The following CFAP54 variants were observed in gnomAD, a reference collection of about 807,000 sequenced individuals.
CFAP54 encodes the protein cilia and flagella associated protein 54, also known as cilia- and flagella-associated protein 54.
A neutral mutation model predicts 370.4 loss-of-function variants in CFAP54; 290 were observed. The ratio of observed to expected loss-of-function variants is 0.78; its 90% CI spans 0.71 to 0.86. The LOEUF is 0.86. Ranked by LOEUF, CFAP54 falls within the 40% of genes least tolerant of loss-of-function variation. The pLI is 0.00. For synonymous variants in CFAP54, 1,206 were observed against 1,236.5 expected (o/e 0.98, Z 0.52); for missense variants, 3,399 against 3,528.7 (o/e 0.96, Z 0.93).
intron 18 of CFAP54, 42 bp from the exon 19 acceptor site, chr12:96,564,602 G>A (rs1187409855): frequency 1.7e-5 from 11 of 664,406 alleles, no homozygotes; most frequent in Non-Finnish European, 3.0e-5. Context: ...TTGGAAGATA[G>A]TTTTTAATCT....
At chr12:96,718,301 G>T in intron 48 of CFAP54, 142 bp from the exon 49 acceptor site, 1 of 544,682 alleles carries the variant, frequency 1.8e-6, no homozygotes, top group South Asian at 1.9e-5. Context: ...GAAGGTTGCA[G>T]TGAGCTGAGA....
chr12:96,691,433 A>G (rs1163969725), intron 44 of CFAP54, 123 bp downstream of exon 44: 10 of 585,282 alleles, frequency 1.7e-5, no homozygotes, highest in Non-Finnish European at 2.5e-5. Flanking sequence ...AACTCTATAT[A>G]TGTGGGATTC....
rs577841977 is a variant in CFAP54 at position 96,518,924 on chromosome 12, G to T, written c.799-4G>T. ...CAAATCCAATGGTGCCCTTTATTTT[G>T]CAGGCCTTAGAGTATCTCCTGTGGG... On this transcript the variant is annotated splice_region_variant and splice_polypyrimidine_tract_variant and intron_variant, in intron 5 of 67. Coordinates refer to ENST00000524981, the MANE Select transcript of CFAP54 (RefSeq NM_001306084.2). 639 of 1,520,190 alleles carry T rather than the reference G, an allele frequency of 4.2e-4. No homozygotes were observed. The highest frequency in any genetic ancestry group is 5.1e-4 in the Non-Finnish European group (585 of 1,137,936). 94.2% of individuals were successfully genotyped at this position (1,520,190 alleles called of 1,614,324 possible).
intron 66 of CFAP54, among the ~76,000 whole-genome samples, chr12:96,835,665 G>A (rs1959183853): frequency 6.6e-6 from 1 of 152,204 alleles, no homozygotes; most frequent in South Asian, 2.1e-4. Flanking sequence ...AGAATGTAGG[G>A]ATACCTGAGT....
At position 96,623,805 on chromosome 12, in the gene CFAP54, G is replaced by A; in HGVS notation, c.3810G>A (p.Gln1270=). Residue 1270 remains glutamine (Q), a synonymous_variant, in exon 28 of 68, where the codon CAG becomes CAA. Coordinates refer to ENST00000524981, the MANE Select transcript of CFAP54 (RefSeq NM_001306084.2). ...AGTCTTTAAAGACTAAGAAGCCACA[G>A]CAGATACTACTGCCTGAAAAGATAA... ...SKKSLKTKKP[Q]QILLPEKINE... 3 of 1,535,426 alleles carry A rather than the reference G, an allele frequency of 2.0e-6. 1 individual carries two copies. The South Asian group carries it at 3.6e-5, about 18-fold the overall frequency.
Position 96,589,446 on chromosome 12 carries a change from A to G in CFAP54, c.3095A>G (p.Asn1032Ser), listed in dbSNP as rs1268536798. The G allele has an allele frequency of 3.9e-6, 6 of 1,532,492 alleles. No individual in the cohort carries two copies. The highest frequency in any genetic ancestry group is 5.2e-6 in the Non-Finnish European group (6 of 1,144,336). 94.9% of individuals were successfully genotyped at this position (1,532,492 alleles called of 1,614,324 possible). A position where few individuals can be genotyped will look rare whatever the true frequency, so the allele number is the denominator to read the frequency against. Residue 1032 changes from asparagine (N) to serine (S), a missense_variant, in exon 23 of 68, where the codon AAC (asparagine) becomes AGC (serine). Transcript: ENST00000524981. ...TTATAGGTTGCCTATCAAGTTGGTAACTATGAATTGGCTAAGAAAGTTTTC... is the reference window on the plus strand; with the variant it reads ...TTATAGGTTGCCTATCAAGTTGGTAGCTATGAATTGGCTAAGAAAGTTTTC... ...FLTQVAYQVG[N>S]YELAKKVFSP...
intron 15 of CFAP54, among the ~76,000 whole-genome samples, chr12:96,553,528 TTA>T (rs541023610): frequency 0.015 from 2,047 of 141,074 alleles, 22 homozygotes; most frequent in African/African-American, 0.02. Context: ...ATATATATAG[TTA>T]TATATATATA....
At chr12:96,533,588 C>A (rs1283858439) in intron 9 of CFAP54, among the ~76,000 whole-genome samples, 1 of 152,130 alleles carries the variant, frequency 6.6e-6, no homozygotes, top group Non-Finnish European at 1.5e-5. Context: ...TCCTTCCCCA[C>A]ATCTGTGTTG....
chr12:96,785,322 T>A (rs552353506), intron 61 of CFAP54, among the ~76,000 whole-genome samples: 62 of 152,188 alleles, frequency 4.1e-4, no homozygotes, highest in African/African-American at 1.5e-3. Context: ...TTTTTTTTTT[T>A]AATCATTGGT....
chr12:96,819,069 CA>C (rs1959004605), intron 65 of CFAP54, among the ~76,000 whole-genome samples: 1 of 152,238 alleles, frequency 6.6e-6, no homozygotes, highest in Non-Finnish European at 1.5e-5. Flanking sequence ...AACCTCTGCT[CA>C]CTCCACAATT....
At chr12:96,798,812 A>G (rs1334079644) in intron 63 of CFAP54, among the ~76,000 whole-genome samples, 1 of 152,206 alleles carries the variant, frequency 6.6e-6, no homozygotes, top group Non-Finnish European at 1.5e-5. Flanking sequence ...TACATGAAGT[A>G]TACTTGGTAA....
intron 50 of CFAP54, among the ~76,000 whole-genome samples, chr12:96,721,262 C>T (rs150227911): frequency 1.3e-5 from 2 of 152,246 alleles, no homozygotes; most frequent in African/African-American, 4.8e-5. Flanking sequence ...TAAGTTTCTG[C>T]ATCATATTGC....
chr12:96,848,843 G>C (rs1207447722), intron 66 of CFAP54, among the ~76,000 whole-genome samples: 1 of 152,196 alleles, frequency 6.6e-6, no homozygotes, highest in Non-Finnish European at 1.5e-5. Context: ...TCTTCACAAA[G>C]TGTGAAATTT....
intron 66 of CFAP54, among the ~76,000 whole-genome samples, chr12:96,835,300 T>C (rs1330212953): frequency 3.9e-5 from 6 of 152,076 alleles, no homozygotes; most frequent in Non-Finnish European, 8.8e-5. Flanking sequence ...CACCTGGTTG[T>C]CCGATCGTCT....
intron 1 of CFAP54, 49 bp from the exon 2 acceptor site, chr12:96,500,785 G>A (rs1218360885): frequency 1.5e-6 from 2 of 1,316,946 alleles, no homozygotes; most frequent in South Asian, 2.7e-5. Flanking sequence ...AATTAATTGG[G>A]GTTTCCTGCA....
At chr12:96,652,932 G>C (rs1956878402) in intron 36 of CFAP54, among the ~76,000 whole-genome samples, 1 of 152,194 alleles carries the variant, frequency 6.6e-6, no homozygotes, top group Non-Finnish European at 1.5e-5. Context: ...CAATTAATCA[G>C]GAAGACATGT....
Position 96,626,848 on chromosome 12 carries a change from T to C in CFAP54, c.4012T>C (p.Phe1338Leu), listed in dbSNP as rs1334511436. 1 of 1,412,172 alleles carries C rather than the reference T, an allele frequency of 7.1e-7. No homozygotes were observed. Among genetic ancestry groups the C allele is most frequent in the Non-Finnish European group, 9.4e-7 (1 of 1,069,116 alleles). 87.5% of individuals were successfully genotyped at this position (1,412,172 alleles called of 1,614,324 possible). A position where few individuals can be genotyped will look rare whatever the true frequency, so the allele number is the denominator to read the frequency against. Residue 1338 changes from phenylalanine (F) to leucine (L), a missense_variant, in exon 30 of 68, where the codon TTC (phenylalanine) becomes CTC (leucine). Transcript: ENST00000524981. ...KFKQKPRFLE[F>L]FTQVMLKCMN... ...TAAGCAAAAACCAAGATTTCTGGAA[T>C]TCTTTACACAAGTTATGCTAAAATG...
intron 63 of CFAP54, among the ~76,000 whole-genome samples, chr12:96,806,891 C>A (rs746802626): frequency 6.6e-6 from 1 of 152,150 alleles, no homozygotes; most frequent in Non-Finnish European, 1.5e-5. Context: ...GGCTGAGAAC[C>A]AGCAGCACTA....
intron 26 of CFAP54, among the ~76,000 whole-genome samples, chr12:96,615,310 T>C (rs1279504858): frequency 6.6e-6 from 1 of 152,232 alleles, no homozygotes; most frequent in Non-Finnish European, 1.5e-5. Flanking sequence ...GCTAGCCATA[T>C]GTAGAAAGCT....
Sources: allele counts gnomAD v4.1 joint callset (sites outside exome capture counted in the v4.1 genomes callset), GRCh38; gene constraint gnomAD v4.1.1; transcripts MANE v1.5; gene names NCBI Gene and HGNC (gene_info 2026-07-23, HGNC 2026-07-21).